Variants in NOXRED1 observed in about 807,000 individuals in gnomAD.
NOXRED1 encodes NADP dependent oxidoreductase domain containing 1, also known as NADP-dependent oxidoreductase domain-containing protein 1.
Under a neutral mutation model 30.4 loss-of-function variants are expected in NOXRED1, and 20 were observed. The ratio of observed to expected loss-of-function variants is 0.66; its 90% CI spans 0.46 to 0.96. The LOEUF (loss-of-function observed/expected upper bound fraction) is 0.96, where lower values mean the gene tolerates loss of function less well. Among genes scored for constraint, NOXRED1 ranks in the 40% least tolerant of loss-of-function variants. The pLI is 0.00. For missense variants in NOXRED1, 374 were observed against 428.0 expected (o/e 0.87, Z 1.11); for synonymous variants, 155 against 168.0 (o/e 0.92, Z 0.60).
intron 2 of NOXRED1, among the ~76,000 whole-genome samples, chr14:77,408,586 G>A (rs1328019962): frequency 6.6e-6 from 1 of 152,020 alleles, no homozygotes; most frequent in Non-Finnish European, 1.5e-5. Context: ...ATGTACAAAG[G>A]ACTTTACAGT....
In NOXRED1 at chr14:77,394,391, T is replaced by G. The variant is rs1894126318; in HGVS notation, c.*240A>C. ...GACTTTTCTGCGGGAGCAGCTTACTTAAGTTAGGTTGTGTAGTTTCACTAG... is the reference window on the plus strand; with the variant it reads ...GACTTTTCTGCGGGAGCAGCTTACTGAAGTTAGGTTGTGTAGTTTCACTAG... On this transcript the variant is annotated 3_prime_UTR_variant, in exon 6 of 6. Transcript: ENST00000380835. The G allele has an allele frequency of 2.9e-6, 1 of 343,202 alleles. No individual in the cohort carries two copies. Among genetic ancestry groups the G allele is most frequent in the African/African-American group, 2.1e-5 (1 of 47,642 alleles). The allele number at this position is 343,202 out of a possible 1,614,324, so 21.3% of individuals were successfully genotyped here. A position where few individuals can be genotyped will look rare whatever the true frequency, so the allele number is the denominator to read the frequency against.
intron 2 of NOXRED1, among the ~76,000 whole-genome samples, chr14:77,413,517 G>A (rs1410965052): frequency 2.0e-5 from 3 of 152,216 alleles, no homozygotes; most frequent in South Asian, 4.1e-4. Context: ...GATTACAGGC[G>A]TGAGCCACCG....
chr14:77,415,876 C>T (rs1024083035), intron 1 of NOXRED1, among the ~76,000 whole-genome samples: 7 of 151,870 alleles, frequency 4.6e-5, no homozygotes, highest in Non-Finnish European at 1.0e-4. Flanking sequence ...ACCCCACGCC[C>T]AGCTAATTTT....
chr14:77,402,284 A>T (rs1566706745), intron 5 of NOXRED1, among the ~76,000 whole-genome samples: 1 of 152,262 alleles, frequency 6.6e-6, no homozygotes, highest in Non-Finnish European at 1.5e-5. Flanking sequence ...ATATTTGCAG[A>T]AGACAGATAA....
chr14:77,424,080 A>G (rs1248091556), upstream of NOXRED1, among the ~76,000 whole-genome samples: 1 of 152,236 alleles, frequency 6.6e-6, no homozygotes, highest in Non-Finnish European at 1.5e-5. Context: ...GGAATCATAC[A>G]ATATGTGACC....
At chr14:77,416,476 C>G (rs1443641736) in intron 1 of NOXRED1, among the ~76,000 whole-genome samples, 2 of 152,142 alleles carry the variant, frequency 1.3e-5, no homozygotes, top group African/African-American at 2.4e-5. Flanking sequence ...CCATTCAACC[C>G]TGAGTGGATA....
intron 2 of NOXRED1, among the ~76,000 whole-genome samples, chr14:77,410,825 TC>T (rs892676112): frequency 6.6e-6 from 1 of 152,160 alleles, no homozygotes; most frequent in African/African-American, 2.4e-5. Context: ...TTAAAAATGA[TC>T]CCAGCACTGA....
At chr14:77,416,871 G>A (rs777537710) in intron 1 of NOXRED1, among the ~76,000 whole-genome samples, 4 of 151,922 alleles carry the variant, frequency 2.6e-5, no homozygotes, top group Non-Finnish European at 4.4e-5. Context: ...GCGGCTGGCC[G>A]GGCAGAGGGG....
chr14:77,412,392 G>A (rs1180400517), intron 2 of NOXRED1, among the ~76,000 whole-genome samples: 2 of 152,120 alleles, frequency 1.3e-5, no homozygotes, highest in Non-Finnish European at 2.9e-5. Flanking sequence ...TACATAGTCT[G>A]TGCATCCAAA....
At chr14:77,425,309 G>C (rs563589078), upstream of NOXRED1, among the ~76,000 whole-genome samples, 3 of 152,064 alleles carry the variant, frequency 2.0e-5, no homozygotes, top group African/African-American at 7.2e-5. Flanking sequence ...TCTACTCCTC[G>C]GTACTTCTCA....
intron 2 of NOXRED1, among the ~76,000 whole-genome samples, chr14:77,408,892 A>ATTTTTTT (rs1177680524): frequency 0.011 from 722 of 68,100 alleles, 126 homozygotes; most frequent in African/African-American, 0.035. Context: ...CTGGTAGTTA[A>ATTTTTTT]TTTTTTTTTT....
chr14:77,422,002 CT>C (rs1895004776), intron 1 of NOXRED1, among the ~76,000 whole-genome samples: 1 of 152,218 alleles, frequency 6.6e-6, no homozygotes, highest in Admixed American at 6.5e-5. Flanking sequence ...AGTAAATTCA[CT>C]GAGAAGCCTG....
intron 5 of NOXRED1, among the ~76,000 whole-genome samples, chr14:77,405,337 G>C (rs1894428035): frequency 6.6e-6 from 1 of 152,246 alleles, no homozygotes; most frequent in Non-Finnish European, 1.5e-5. Context: ...AGAGGTTGCA[G>C]TGAGCCGAGA....
intron 4 of NOXRED1, 28 bp downstream of exon 4, chr14:77,406,696 G>C: frequency 6.2e-7 from 1 of 1,610,250 alleles, no homozygotes; most frequent in Non-Finnish European, 8.5e-7. Context: ...ATTTTCAAAA[G>C]AATGCCAGAA....
chr14:77,413,924 T>G lies in NOXRED1; in HGVS notation c.349+10A>C, dbSNP rs753556533. 8 of 1,567,880 alleles carry G rather than the reference T, an allele frequency of 5.1e-6. No homozygotes were observed. The highest frequency in any genetic ancestry group is 1.7e-6 in the Non-Finnish European group (2 of 1,151,176). Reference sequence around the variant, plus strand: ...ACCAAGCCCCCTTTCTACCACACACTGCTCCTCACCCAGAGTCTCTGGCCT... The same window carrying G: ...ACCAAGCCCCCTTTCTACCACACACGGCTCCTCACCCAGAGTCTCTGGCCT... On this transcript the variant is annotated intron_variant, in intron 2 of 5. Transcript: ENST00000380835.
In NOXRED1 at chr14:77,406,875, C is replaced by G; in HGVS notation, c.531G>C (p.Arg177Ser). The stretch of plus-strand genomic sequence containing the variant: ...TGGTGTGGTTCAACAGTAGTTTCAG[C>G]CTGGAAGTAAAGCCAAGACAGGGAG... ...YSFVAAIPLP[R>S]LKLLLNHTNI... The change falls in exon 4 of 6, where the codon AGG becomes AGC. Residue 177 changes from arginine to serine, a missense_variant and splice_region_variant. By Grantham distance (110) the Arg-to-Ser change is moderately radical. Coordinates refer to ENST00000380835, the MANE Select transcript of NOXRED1 (RefSeq NM_001113475.3). 3 of 1,612,750 alleles carry G rather than the reference C, an allele frequency of 1.9e-6. No individual in the cohort carries two copies. Among genetic ancestry groups the G allele is most frequent in the Middle Eastern group, 1.7e-4 (1 of 6,034 alleles).
chr14:77,395,990 G>T (rs1359296757), intron 5 of NOXRED1, among the ~76,000 whole-genome samples: 1 of 152,018 alleles, frequency 6.6e-6, no homozygotes, highest in Non-Finnish European at 1.5e-5. Context: ...GCTGAGAGAA[G>T]AGGATTGCTT....
intron 1 of NOXRED1, among the ~76,000 whole-genome samples, chr14:77,422,403 T>C (rs1895019767): frequency 6.6e-6 from 1 of 152,156 alleles, no homozygotes; most frequent in Non-Finnish European, 1.5e-5. Context: ...TCCTTGCCAA[T>C]AGATAAGGAA....
At chr14:77,400,974 C>T (rs751774550) in intron 5 of NOXRED1, among the ~76,000 whole-genome samples, 1 of 152,172 alleles carries the variant, frequency 6.6e-6, no homozygotes, top group Non-Finnish European at 1.5e-5. Context: ...GAGAAGAAGA[C>T]TCAATACTAT....
Sources: gnomAD v4.1 joint callset for allele counts (sites outside exome capture counted in the v4.1 genomes callset) on GRCh38, gnomAD v4.1.1 for gene constraint, MANE v1.5 for transcripts, NCBI Gene and HGNC (gene_info 2026-07-23, HGNC 2026-07-21) for gene names.